MAST4: variants seen among roughly 807,000 people sequenced by gnomAD.
MAST4 encodes the protein microtubule associated serine/threonine kinase family member 4, also known as microtubule-associated serine/threonine-protein kinase 4.
MAST4 carries 89 observed loss-of-function variants against 162.7 expected under a neutral mutation model. That is an observed-to-expected ratio of 0.55 (90% CI 0.46 to 0.65). MAST4 has a LOEUF of 0.65. Among genes scored for constraint, MAST4 ranks in the 30% least tolerant of loss-of-function variants. The probability of loss-of-function intolerance (pLI) is 0.00; values close to 1 mark genes in which losing one functional copy is unlikely to be tolerated. For missense variants in MAST4, 3,153 were observed against 3,374.0 expected (o/e 0.93, Z 1.62); for synonymous variants, 1,479 against 1,361.1 (o/e 1.09, Z -1.91).
chr5:67,155,076 G>A (rs1474548496), intron 26 of MAST4, among the ~76,000 whole-genome samples: 3 of 152,210 alleles, frequency 2.0e-5, no homozygotes, highest in African/African-American at 2.4e-5. Flanking sequence ...GGGTGTAGGT[G>A]TATGTTTAGA....
chr5:67,167,034 C>CA lies in MAST4; in HGVS notation c.7856dup (p.His2619GlnfsTer20), dbSNP rs763058809. On this transcript the variant is annotated frameshift_variant, in exon 29 of 29. Transcript: ENST00000403625. LOFTEE classifies it high-confidence loss of function. ...GAAAGAGAGTTTGCGTAGCAGCCCT[C>CA]ACAAAAAGGCCTTGTAACGGGGAGG... 559 of 1,587,718 alleles carry CA rather than the reference C, an allele frequency of 3.5e-4. No homozygotes were observed. Among genetic ancestry groups the CA allele is most frequent in the Non-Finnish European group, 4.3e-4 (500 of 1,166,968 alleles).
At chr5:66,986,967 T>C (rs1508785) in intron 4 of MAST4, among the ~76,000 whole-genome samples, 125,144 of 152,058 alleles carry the variant, frequency 0.82, 51,582 homozygotes, top group East Asian at 0.87. Context: ...TATGCTCTTA[T>C]CTCTCAAAAT....
chr5:66,732,170 C>T (rs1032140877), intron 1 of MAST4, among the ~76,000 whole-genome samples: 15 of 151,982 alleles, frequency 9.9e-5, no homozygotes, highest in South Asian at 8.3e-4. Flanking sequence ...TTACAATGTC[C>T]GGTTTCCTAT....
intron 1 of MAST4, among the ~76,000 whole-genome samples, chr5:66,661,649 G>T (rs1042761613): frequency 6.6e-6 from 1 of 152,034 alleles, no homozygotes; most frequent in East Asian, 1.9e-4. Context: ...CAGAGCCTGG[G>T]TCTTTCATGC....
At chr5:66,625,167 CATGTG>C (rs1462956566) in intron 1 of MAST4, among the ~76,000 whole-genome samples, 1 of 152,114 alleles carries the variant, frequency 6.6e-6, no homozygotes, top group Non-Finnish European at 1.5e-5. Context: ...TCCTTTCCTT[CATGTG>C]TGCGTGTGTG....
At chr5:66,607,258 G>A (rs915318734) in intron 1 of MAST4, among the ~76,000 whole-genome samples, 1 of 152,118 alleles carries the variant, frequency 6.6e-6, no homozygotes, top group Non-Finnish European at 1.5e-5. Flanking sequence ...AGGTTGCTCT[G>A]CACTTAGCAT....
At chr5:66,766,054 A>T (rs1339984677) in intron 2 of MAST4, among the ~76,000 whole-genome samples, 1 of 152,210 alleles carries the variant, frequency 6.6e-6, no homozygotes, top group Admixed American at 6.5e-5. Flanking sequence ...TCTAATCATT[A>T]TAGAGACCCT....
At chr5:67,038,166 CTT>C (rs1237754244) in intron 4 of MAST4, among the ~76,000 whole-genome samples, 2 of 151,660 alleles carry the variant, frequency 1.3e-5, no homozygotes, top group Non-Finnish European at 2.9e-5. Flanking sequence ...CTATTGAAAT[CTT>C]TCTCTAACAG....
chr5:66,879,108 T>A (rs27344), intron 3 of MAST4, among the ~76,000 whole-genome samples: 42,411 of 151,826 alleles, frequency 0.28, 6,134 homozygotes, highest in East Asian at 0.53. Flanking sequence ...TGAAACCCTG[T>A]CTCTACTAAA....
intron 1 of MAST4, among the ~76,000 whole-genome samples, chr5:66,629,509 C>T (rs901689089): frequency 6.6e-6 from 1 of 152,192 alleles, no homozygotes; most frequent in African/African-American, 2.4e-5. Flanking sequence ...TGAACCATTT[C>T]CACCTGGGCC....
intron 1 of MAST4, among the ~76,000 whole-genome samples, chr5:66,751,853 A>G (rs936255041): frequency 2.0e-5 from 3 of 149,170 alleles, no homozygotes; most frequent in Non-Finnish European, 4.5e-5. Context: ...CAGATTCACC[A>G]AAGTTGAAAT....
intron 19 of MAST4, among the ~76,000 whole-genome samples, chr5:67,139,239 A>G (rs987336176): frequency 2.6e-5 from 4 of 152,214 alleles, no homozygotes; most frequent in African/African-American, 9.7e-5. Context: ...TTTGTATTTA[A>G]TGCATATTTA....
At chr5:66,813,696 A>G (rs549421118) in intron 3 of MAST4, among the ~76,000 whole-genome samples, 2 of 152,372 alleles carry the variant, frequency 1.3e-5, no homozygotes, top group African/African-American at 2.4e-5. Context: ...TGCTAATTAC[A>G]TGGCATTGAG....
chr5:66,920,273 A>G (rs1034503861), intron 4 of MAST4, among the ~76,000 whole-genome samples: 1 of 151,982 alleles, frequency 6.6e-6, no homozygotes, highest in Non-Finnish European at 1.5e-5. Context: ...GTGTTTCCCT[A>G]CTCTCGTTTG....
At chr5:67,014,899 T>G (rs1314186736) in intron 4 of MAST4, among the ~76,000 whole-genome samples, 1 of 152,220 alleles carries the variant, frequency 6.6e-6, no homozygotes, top group Non-Finnish European at 1.5e-5. Flanking sequence ...CCTTTTGAGA[T>G]TTAACCTTAC....
At chr5:66,904,402 C>T (rs1196826314) in intron 4 of MAST4, among the ~76,000 whole-genome samples, 2 of 152,148 alleles carry the variant, frequency 1.3e-5, no homozygotes, top group East Asian at 1.9e-4. Context: ...TAGGCTCAGG[C>T]TAGCTCCTGT....
At chr5:66,624,136 T>C (rs1561220532) in intron 1 of MAST4, among the ~76,000 whole-genome samples, 2 of 145,306 alleles carry the variant, frequency 1.4e-5, no homozygotes, top group Non-Finnish European at 3.0e-5. Context: ...AGAATTAATA[T>C]TGTTAAAATG....
chr5:67,146,681 A>G (rs1315967053), intron 23 of MAST4, among the ~76,000 whole-genome samples: 1 of 152,138 alleles, frequency 6.6e-6, no homozygotes, highest in Non-Finnish European at 1.5e-5. Flanking sequence ...GAAGCTTCAC[A>G]TGTGCTTATA....
At chr5:67,131,711 C>T in intron 15 of MAST4, 102 bp from the exon 16 acceptor site, 4 of 1,172,178 alleles carry the variant, frequency 3.4e-6, no homozygotes, top group Non-Finnish European at 4.9e-6. Context: ...TATGCTGTGT[C>T]TATGGGTAGA....
Sources: allele counts gnomAD v4.1 joint callset (sites outside exome capture counted in the v4.1 genomes callset), GRCh38; gene constraint gnomAD v4.1.1; transcripts MANE v1.5; gene names NCBI Gene and HGNC (gene_info 2026-07-23, HGNC 2026-07-21).